PUM1: variants seen among roughly 807,000 people sequenced by gnomAD.
PUM1 encodes the protein pumilio RNA binding family member 1, also known as pumilio homolog 1.
A neutral mutation model predicts 131.8 loss-of-function variants in PUM1; 13 were observed. That is an observed-to-expected ratio of 0.10 (90% CI 0.06 to 0.16). PUM1 has a LOEUF of 0.16. Among genes scored for constraint, PUM1 ranks in the 10% least tolerant of loss-of-function variants. The probability of loss-of-function intolerance (pLI) is 1.00; values close to 1 mark genes in which losing one functional copy is unlikely to be tolerated. For synonymous variants in PUM1, 509 were observed against 556.5 expected (o/e 0.91, Z 1.20); for missense variants, 961 against 1,512.4 (o/e 0.64, Z 6.05).
At chr1:31,010,117 CA>C (rs61542082) in intron 3 of PUM1, among the ~76,000 whole-genome samples, 42,539 of 147,384 alleles carry the variant, frequency 0.29, 7,652 homozygotes, top group East Asian at 0.53. Context: ...GCCACTATGG[CA>C]AAAAAAAAAG....
chr1:30,939,316 A>G (rs1639350489), intron 20 of PUM1, among the ~76,000 whole-genome samples: 2 of 152,310 alleles, frequency 1.3e-5, no homozygotes, highest in South Asian at 4.1e-4. Context: ...CTGAAATCCC[A>G]GTTCAATTCT....
chr1:31,011,820 A>G (rs1467836088), intron 3 of PUM1, among the ~76,000 whole-genome samples: 1 of 152,240 alleles, frequency 6.6e-6, no homozygotes, highest in African/African-American at 2.4e-5. Context: ...GTAACAGATC[A>G]CAAGAGAGAT....
At chr1:30,974,838 A>AC (rs766567604) in intron 9 of PUM1, 36 bp from the exon 10 acceptor site, 1 of 1,574,788 alleles carries the variant, frequency 6.4e-7, no homozygotes, top group African/African-American at 1.4e-5. Context: ...GAAAGTCTGA[A>AC]CTACTGAGGC....
chr1:31,059,718 A>T, intron 1 of PUM1, 141 bp from the exon 2 acceptor site: 1 of 920,666 alleles, frequency 1.1e-6, no homozygotes, highest in Non-Finnish European at 1.6e-6. Context: ...TATTGGGATC[A>T]GAACTCAATA....
chr1:31,041,140 G>A (rs1046418407), intron 2 of PUM1, among the ~76,000 whole-genome samples: 1 of 152,122 alleles, frequency 6.6e-6, no homozygotes, highest in African/African-American at 2.4e-5. Context: ...ATCAACCACA[G>A]AAACAGAATA....
intron 2 of PUM1, among the ~76,000 whole-genome samples, chr1:31,030,956 A>G (rs546655327): frequency 6.6e-6 from 1 of 152,378 alleles, no homozygotes; most frequent in Non-Finnish European, 1.5e-5. Flanking sequence ...AGTAAAGTTC[A>G]GTTAGTTACA....
chr1:30,944,608 C>A (rs1464989762), intron 18 of PUM1, among the ~76,000 whole-genome samples: 1 of 152,106 alleles, frequency 6.6e-6, no homozygotes, highest in African/African-American at 2.4e-5. Flanking sequence ...TGGACTGCAT[C>A]CCTTCCAAAA....
At chr1:31,034,717 TTTC>T (rs922461166) in intron 2 of PUM1, among the ~76,000 whole-genome samples, 2 of 152,208 alleles carry the variant, frequency 1.3e-5, no homozygotes, top group African/African-American at 4.8e-5. Flanking sequence ...CTAGAGTAGA[TTTC>T]CATACTTTTA....
intron 10 of PUM1, among the ~76,000 whole-genome samples, chr1:30,970,467 G>C (rs968886810): frequency 2.0e-5 from 3 of 152,146 alleles, no homozygotes; most frequent in African/African-American, 7.2e-5. Flanking sequence ...CACACTGCCT[G>C]ATACCCAGGA....
intron 2 of PUM1, among the ~76,000 whole-genome samples, chr1:31,041,453 A>T (rs1263361645): frequency 6.6e-6 from 1 of 151,900 alleles, no homozygotes; most frequent in Non-Finnish European, 1.5e-5. Flanking sequence ...TTATACTTTG[A>T]TATAGCTTGG....
At chr1:31,048,267 TAA>T (rs1007857573) in intron 2 of PUM1, among the ~76,000 whole-genome samples, 5 of 150,296 alleles carry the variant, frequency 3.3e-5, no homozygotes, top group African/African-American at 1.2e-4. Context: ...AAATAAAAAA[TAA>T]AAAAAAGAAA....
chr1:30,980,236 T>G, intron 8 of PUM1, 73 bp from the exon 9 acceptor site: 2 of 1,176,534 alleles, frequency 1.7e-6, no homozygotes, highest in Non-Finnish European at 2.5e-6. Flanking sequence ...CTACACAGTT[T>G]CGCTATTCAC....
At chr1:31,064,688 T>C (rs944463918) in intron 1 of PUM1, among the ~76,000 whole-genome samples, 6 of 140,124 alleles carry the variant, frequency 4.3e-5, no homozygotes, top group African/African-American at 1.6e-4. Flanking sequence ...CAATAAAAGG[T>C]AACAATCTAA....
At chr1:31,039,975 G>A (rs1265300481) in intron 2 of PUM1, among the ~76,000 whole-genome samples, 2 of 152,124 alleles carry the variant, frequency 1.3e-5, no homozygotes, top group East Asian at 1.9e-4. Flanking sequence ...CGACAAGAGC[G>A]AAACTCCATC....
At chr1:30,947,286 G>A (rs1161927363) in intron 17 of PUM1, among the ~76,000 whole-genome samples, 4 of 152,118 alleles carry the variant, frequency 2.6e-5, no homozygotes, top group African/African-American at 7.2e-5. Context: ...TGAGACAGAG[G>A]GGCTTAAGTC....
At chr1:31,001,860 G>A (rs568862283) in intron 5 of PUM1, among the ~76,000 whole-genome samples, 29 of 152,176 alleles carry the variant, frequency 1.9e-4, no homozygotes, top group African/African-American at 5.5e-4. Context: ...CTGAGATAAC[G>A]CGTATGATAG....
intron 3 of PUM1, among the ~76,000 whole-genome samples, chr1:31,017,074 G>A (rs924272500): frequency 2.0e-5 from 3 of 151,966 alleles, no homozygotes; most frequent in Non-Finnish European, 4.4e-5. Context: ...TCTGACTATT[G>A]AAAAAATAAA....
chr1:31,063,523 T>A (rs1644412409), intron 1 of PUM1, among the ~76,000 whole-genome samples: 1 of 152,168 alleles, frequency 6.6e-6, no homozygotes. Context: ...CAATGTACGT[T>A]ATTCCAGTGA....
intron 3 of PUM1, among the ~76,000 whole-genome samples, chr1:31,007,344 G>C (rs1010745072): frequency 2.0e-5 from 3 of 152,080 alleles, no homozygotes; most frequent in Non-Finnish European, 2.9e-5. Flanking sequence ...TCCAATAGAG[G>C]CTGAACTTAA....
Sources: allele counts gnomAD v4.1 joint callset (sites outside exome capture counted in the v4.1 genomes callset), GRCh38; gene constraint gnomAD v4.1.1; transcripts MANE v1.5; gene names NCBI Gene and HGNC (gene_info 2026-07-23, HGNC 2026-07-21).